Variants in ANKS1B observed in about 807,000 individuals in gnomAD.
The protein encoded by ANKS1B is ankyrin repeat and sterile alpha motif domain containing 1B.
In ANKS1B, 36 loss-of-function variants were observed where a neutral mutation model predicts 148.3. The observed-to-expected ratio is 0.24, with a 90% CI of 0.19 to 0.32. ANKS1B has a LOEUF of 0.32. ANKS1B is among the 10% of genes least tolerant of loss of function. The probability of loss-of-function intolerance (pLI) is 1.00; values close to 1 mark genes in which losing one functional copy is unlikely to be tolerated. For synonymous variants in ANKS1B, 542 were observed against 560.8 expected (o/e 0.97, Z 0.47); for missense variants, 1,157 against 1,542.6 (o/e 0.75, Z 4.19).
At chr12:98,935,000 C>T (rs2099817156) in intron 17 of ANKS1B, among the ~76,000 whole-genome samples, 1 of 151,930 alleles carries the variant, frequency 6.6e-6, no homozygotes, top group Non-Finnish European at 1.5e-5. Context: ...GGCTAGGACT[C>T]CCAGTATTAT....
intron 25 of ANKS1B, among the ~76,000 whole-genome samples, chr12:98,769,094 T>A (rs1286839768): frequency 6.7e-6 from 1 of 150,054 alleles, no homozygotes; most frequent in African/African-American, 2.4e-5. Context: ...AACTTCACAA[T>A]TAAAAATGTA....
At chr12:99,466,158 G>A (rs1176275266) in intron 10 of ANKS1B, among the ~76,000 whole-genome samples, 6 of 152,118 alleles carry the variant, frequency 3.9e-5, no homozygotes, top group Non-Finnish European at 5.9e-5. Flanking sequence ...TCAACTACAT[G>A]GAAACTGAAC....
rs541859086 is a variant in ANKS1B at position 99,707,172 on chromosome 12, T to C, written c.1129-51962A>G. On this transcript the variant is annotated intron_variant, in intron 8 of 26. Coordinates refer to ENST00000683438, the MANE Select transcript of ANKS1B (RefSeq NM_001352186.2). ...CAACTCAGGTGTTACAAAACAAAGA[T>C]TGTTGAGTTCTGCTTGTCAGAGGTA... 1.6e-4 allele frequency among the ~76,000 whole-genome samples: 24 copies of C among 152,198 alleles called. No individual in the cohort carries two copies. In the South Asian group the frequency reaches 2.1e-3, roughly 13 times the overall value.
At chr12:99,648,109 C>A in intron 9 of ANKS1B, 1 of 1,542,034 alleles carries the variant, frequency 6.5e-7, no homozygotes, top group East Asian at 2.3e-5. Context: ...AAACAGGATG[C>A]CCGCTAAAGC....
chr12:98,862,732 A>G (rs1440671409), intron 17 of ANKS1B, among the ~76,000 whole-genome samples: 1 of 152,198 alleles, frequency 6.6e-6, no homozygotes, highest in Admixed American at 6.5e-5. Context: ...CTTACTCTCA[A>G]GTAGGAATCA....
intron 12 of ANKS1B, among the ~76,000 whole-genome samples, chr12:99,359,956 G>A (rs778400916): frequency 2.6e-5 from 4 of 152,018 alleles, no homozygotes; most frequent in African/African-American, 9.7e-5. Flanking sequence ...GTTTTCACTT[G>A]CAGGGCTTGC....
intron 12 of ANKS1B, among the ~76,000 whole-genome samples, chr12:99,395,010 A>C (rs992225373): frequency 1.1e-4 from 16 of 152,028 alleles, no homozygotes. Flanking sequence ...GTCATCCTTA[A>C]TTCTTCTCAT....
chr12:99,770,953 T>A (rs2063131972), intron 8 of ANKS1B, among the ~76,000 whole-genome samples: 1 of 152,144 alleles, frequency 6.6e-6, no homozygotes, highest in Non-Finnish European at 1.5e-5. Context: ...TTCAAAACCT[T>A]AACGCTCAAT....
intron 22 of ANKS1B, among the ~76,000 whole-genome samples, chr12:98,790,703 G>T (rs11109606): frequency 1.4e-3 from 220 of 152,094 alleles, no homozygotes; most frequent in African/African-American, 5.0e-3. Context: ...AAAGAGAGCA[G>T]AAACAAAATT....
chr12:99,038,572 C>T (rs575901160), intron 17 of ANKS1B, among the ~76,000 whole-genome samples: 2 of 152,274 alleles, frequency 1.3e-5, no homozygotes, highest in Non-Finnish European at 2.9e-5. Context: ...TGTTTAACAC[C>T]CCTCTGATGC....
chr12:99,757,895 C>A (rs1406215456), intron 8 of ANKS1B, among the ~76,000 whole-genome samples: 1 of 151,876 alleles, frequency 6.6e-6, no homozygotes, highest in Admixed American at 6.6e-5. Context: ...GTGATGAGAA[C>A]ACACAGACAA....
intron 17 of ANKS1B, among the ~76,000 whole-genome samples, chr12:98,867,303 T>C (rs1190950464): frequency 6.6e-6 from 1 of 152,244 alleles, no homozygotes; most frequent in Non-Finnish European, 1.5e-5. Flanking sequence ...TTTTGTACTT[T>C]AGTCCAGACA....
chr12:99,970,927 C>A (rs1355967866), intron 1 of ANKS1B, among the ~76,000 whole-genome samples: 1 of 152,120 alleles, frequency 6.6e-6, no homozygotes, highest in African/African-American at 2.4e-5. Flanking sequence ...ATAGATCTAT[C>A]CCATTATTCT....
chr12:99,590,602 A>C (rs570814536), intron 9 of ANKS1B, among the ~76,000 whole-genome samples: 94 of 152,280 alleles, frequency 6.2e-4, no homozygotes, highest in Middle Eastern at 3.4e-3. Context: ...ATAACTCAGG[A>C]GGTTTGAAAA....
At chr12:98,942,167 G>C (rs988788171) in intron 17 of ANKS1B, among the ~76,000 whole-genome samples, 2 of 151,404 alleles carry the variant, frequency 1.3e-5, no homozygotes, top group African/African-American at 4.9e-5. Flanking sequence ...CTTGAACCCA[G>C]GAGGCAGAGG....
At chr12:98,910,890 A>C (rs773997814) in intron 17 of ANKS1B, among the ~76,000 whole-genome samples, 1 of 152,194 alleles carries the variant, frequency 6.6e-6, no homozygotes, top group Non-Finnish European at 1.5e-5. Flanking sequence ...ATAGGAAATA[A>C]CAAACAAGCA....
At chr12:98,893,410 C>T (rs969686322) in intron 17 of ANKS1B, 2 of 149,796 alleles carry the variant, frequency 1.3e-5, no homozygotes, top group African/African-American at 5.1e-5. Flanking sequence ...TGGAAGAAAC[C>T]TCTGAGAGGT....
intron 15 of ANKS1B, among the ~76,000 whole-genome samples, chr12:99,132,277 G>A (rs1373835159): frequency 4.6e-5 from 7 of 152,150 alleles, no homozygotes. Flanking sequence ...AGGTGCATTG[G>A]CAAGCGGGGA....
At chr12:99,781,645 A>G (rs1170815401) in intron 5 of ANKS1B, among the ~76,000 whole-genome samples, 2 of 152,214 alleles carry the variant, frequency 1.3e-5, no homozygotes, top group African/African-American at 4.8e-5. Flanking sequence ...ACAATATAAA[A>G]CACAGAAAAA....
Sources: gnomAD v4.1 joint callset for allele counts (sites outside exome capture counted in the v4.1 genomes callset) on GRCh38, gnomAD v4.1.1 for gene constraint, MANE v1.5 for transcripts, NCBI Gene and HGNC (gene_info 2026-07-23, HGNC 2026-07-21) for gene names.